Variants in SLC44A5 observed in about 807,000 individuals in gnomAD.
The protein encoded by SLC44A5 is choline transporter-like protein 5.
In SLC44A5, 57 loss-of-function variants were observed where a neutral mutation model predicts 101.8. The observed-to-expected ratio is 0.56, with a 90% CI of 0.45 to 0.70. SLC44A5 has a LOEUF of 0.70. SLC44A5 is among the 30% of genes least tolerant of loss of function. The pLI is 0.00. For missense variants in SLC44A5, 737 were observed against 853.1 expected (o/e 0.86, Z 1.70); for synonymous variants, 281 against 290.9 (o/e 0.97, Z 0.35).
At chr1:75,294,479 G>A (rs1653806839) in intron 5 of SLC44A5, among the ~76,000 whole-genome samples, 1 of 152,154 alleles carries the variant, frequency 6.6e-6, no homozygotes, top group Non-Finnish European at 1.5e-5. Flanking sequence ...CCACATCTGG[G>A]TATTTACCCA....
intron 2 of SLC44A5, chr1:75,398,255 C>G: frequency 3.5e-6 from 1 of 288,782 alleles, no homozygotes; most frequent in East Asian, 1.8e-4. Flanking sequence ...CACTTCTAAT[C>G]ACATTTTAGC....
At chr1:75,573,127 CAAAAAAAAAA>C (rs745593621) in intron 1 of SLC44A5, among the ~76,000 whole-genome samples, 5 of 16,712 alleles carry the variant, frequency 3.0e-4, no homozygotes, top group South Asian at 3.3e-3. Flanking sequence ...GGCTCCATCT[CAAAAAAAAAA>C]AAAAAAAAAA....
the SLC44A5 span, among the ~76,000 whole-genome samples, chr1:75,687,468 T>C: frequency 1.3e-5 from 2 of 151,944 alleles, no homozygotes; most frequent in African/African-American, 4.8e-5. Flanking sequence ...CACGCCTGGC[T>C]AATTTTTGTA....
intron 1 of SLC44A5, among the ~76,000 whole-genome samples, chr1:75,599,865 CAG>C (rs1179348276): frequency 4.6e-5 from 7 of 152,084 alleles, no homozygotes; most frequent in South Asian, 4.1e-4. Context: ...AATCATAGGT[CAG>C]ATTCTAGACT....
At chr1:75,214,860 T>G (rs688513) in intron 19 of SLC44A5, among the ~76,000 whole-genome samples, 182 bp from the exon 20 acceptor site, 119,586 of 152,094 alleles carry the variant, frequency 0.79, 47,209 homozygotes, top group East Asian at 0.98. Flanking sequence ...CAACTCTCAG[T>G]GTCATTGACA....
chr1:75,691,931 A>G, the SLC44A5 span, among the ~76,000 whole-genome samples: 3 of 152,170 alleles, frequency 2.0e-5, no homozygotes, highest in African/African-American at 7.2e-5. Flanking sequence ...AATGGAGGTT[A>G]GGGTTTCAAT....
chr1:75,305,421 A>T (rs1654826733), intron 4 of SLC44A5, among the ~76,000 whole-genome samples: 1 of 152,180 alleles, frequency 6.6e-6, no homozygotes, highest in Non-Finnish European at 1.5e-5. Context: ...CTGATATGTG[A>T]TGAGTCAGTT....
At chr1:75,385,668 A>T (rs1442161413) in intron 3 of SLC44A5, among the ~76,000 whole-genome samples, 1 of 152,222 alleles carries the variant, frequency 6.6e-6, no homozygotes, top group Non-Finnish European at 1.5e-5. Flanking sequence ...AAATTATTCC[A>T]ATCAATAGAA....
chr1:75,266,304 T>C (rs969782531), intron 6 of SLC44A5, among the ~76,000 whole-genome samples: 2 of 136,416 alleles, frequency 1.5e-5, no homozygotes, highest in Non-Finnish European at 3.1e-5. Flanking sequence ...ATGCATTTCA[T>C]TTTGGCATAG....
At chr1:75,343,901 T>C (rs1358661166) in intron 3 of SLC44A5, among the ~76,000 whole-genome samples, 1 of 152,214 alleles carries the variant, frequency 6.6e-6, no homozygotes, top group Non-Finnish European at 1.5e-5. Flanking sequence ...ATCATGTTCT[T>C]AGCCATTTCT....
At chr1:75,574,040 C>A (rs1362216097) in intron 1 of SLC44A5, among the ~76,000 whole-genome samples, 1 of 152,124 alleles carries the variant, frequency 6.6e-6, no homozygotes, top group Non-Finnish European at 1.5e-5. Flanking sequence ...GCTGAATAAC[C>A]TTCATGAGGT....
At chr1:75,683,207 T>G in the SLC44A5 span, among the ~76,000 whole-genome samples, 39,714 of 149,980 alleles carry the variant, frequency 0.26, 6,505 homozygotes, top group East Asian at 0.68. Flanking sequence ...GCGATTCCTC[T>G]GGGATCTAGA....
chr1:75,570,735 C>T (rs1333676615), intron 1 of SLC44A5, among the ~76,000 whole-genome samples: 1 of 152,162 alleles, frequency 6.6e-6, no homozygotes, highest in Non-Finnish European at 1.5e-5. Context: ...CACATACTAG[C>T]CCTTTCCCAC....
intron 2 of SLC44A5, among the ~76,000 whole-genome samples, chr1:75,441,024 C>T (rs1347607180): frequency 6.6e-6 from 1 of 151,794 alleles, no homozygotes; most frequent in African/African-American, 2.4e-5. Flanking sequence ...AATTAAAATT[C>T]TGCAAAATAG....
At chr1:75,204,179 T>C (rs1239279036) in intron 23 of SLC44A5, among the ~76,000 whole-genome samples, 1 of 152,218 alleles carries the variant, frequency 6.6e-6, no homozygotes, top group African/African-American at 2.4e-5. Flanking sequence ...AAATTGATTC[T>C]GTTTTGCCAT....
intron 2 of SLC44A5, among the ~76,000 whole-genome samples, chr1:75,456,718 T>A (rs1666205254): frequency 6.6e-6 from 1 of 152,244 alleles, no homozygotes; most frequent in Non-Finnish European, 1.5e-5. Context: ...GAAAGTAGCA[T>A]TAAAATGCCT....
chr1:75,445,522 T>TGTATATATTACGTAATATATA (rs1553181482), intron 2 of SLC44A5, among the ~76,000 whole-genome samples: 1 of 148,086 alleles, frequency 6.8e-6, no homozygotes, highest in South Asian at 2.1e-4. Context: ...ATATAATATA[T>TGTATATATTACGTAATATATA]GTATATATTA....
intron 1 of SLC44A5, among the ~76,000 whole-genome samples, chr1:75,593,910 T>C (rs1674496217): frequency 6.6e-6 from 1 of 151,814 alleles, no homozygotes; most frequent in African/African-American, 2.4e-5. Flanking sequence ...GGATAGTTAA[T>C]AGGTACAAAA....
chr1:75,713,278 C>T, the SLC44A5 span, among the ~76,000 whole-genome samples: 1 of 152,062 alleles, frequency 6.6e-6, no homozygotes, highest in Non-Finnish European at 1.5e-5. Flanking sequence ...TGCTAATGAC[C>T]TTATTTCCTA....
Sources: gnomAD v4.1 joint callset for allele counts (sites outside exome capture counted in the v4.1 genomes callset) on GRCh38, gnomAD v4.1.1 for gene constraint, MANE v1.5 for transcripts, NCBI Gene and HGNC (gene_info 2026-07-23, HGNC 2026-07-21) for gene names.